Variants in NAALADL2 observed in about 807,000 individuals in gnomAD.
NAALADL2 encodes the protein N-acetylated alpha-linked acidic dipeptidase like 2, also known as inactive N-acetylated-alpha-linked acidic dipeptidase-like protein 2.
In NAALADL2, 76 loss-of-function variants were observed where a neutral mutation model predicts 87.2. The observed-to-expected ratio is 0.87, with a 90% CI of 0.72 to 1.05. The LOEUF (loss-of-function observed/expected upper bound fraction) is 1.05, where lower values mean the gene tolerates loss of function less well. NAALADL2 is among the 50% of genes least tolerant of loss of function. NAALADL2 has a pLI of 0.00. For synonymous variants in NAALADL2, 354 were observed against 331.0 expected (o/e 1.07, Z -0.75); for missense variants, 1,089 against 945.8 (o/e 1.15, Z -1.99).
At chr3:174,512,688 A>C (rs909281124) in intron 1 of NAALADL2, among the ~76,000 whole-genome samples, 6 of 151,706 alleles carry the variant, frequency 4.0e-5, no homozygotes, top group Non-Finnish European at 8.8e-5. Context: ...TGTCTCCTCA[A>C]CTCAGTGAGA....
chr3:174,479,774 T>C (rs1052634510), intron 1 of NAALADL2, among the ~76,000 whole-genome samples: 1 of 152,140 alleles, frequency 6.6e-6, no homozygotes, highest in Non-Finnish European at 1.5e-5. Flanking sequence ...GTGTTATTTA[T>C]TGTGGAAGAT....
intron 1 of NAALADL2, among the ~76,000 whole-genome samples, chr3:174,963,464 A>T (rs1201872855): frequency 1.3e-5 from 2 of 152,152 alleles, no homozygotes; most frequent in East Asian, 3.9e-4. Flanking sequence ...GACTGATTAG[A>T]TGCATGTTTC....
At chr3:175,254,428 C>A (rs1749575731) in intron 3 of NAALADL2, among the ~76,000 whole-genome samples, 1 of 152,002 alleles carries the variant, frequency 6.6e-6, no homozygotes, top group Admixed American at 6.6e-5. Context: ...TGGGAAAAAC[C>A]CAAAATCTGT....
chr3:175,788,203 C>T (rs966456533), intron 13 of NAALADL2, among the ~76,000 whole-genome samples: 7 of 150,930 alleles, frequency 4.6e-5, no homozygotes, highest in African/African-American at 1.7e-4. Context: ...AAGTGATCCT[C>T]CCAACTTAGC....
intron 2 of NAALADL2, among the ~76,000 whole-genome samples, chr3:175,214,840 G>A (rs1349743161): frequency 6.6e-6 from 1 of 152,088 alleles, no homozygotes; most frequent in African/African-American, 2.4e-5. Context: ...CTGCAATCCA[G>A]CAGTACAGAC....
chr3:174,884,541 T>A (rs1729823846), intron 1 of NAALADL2, among the ~76,000 whole-genome samples: 1 of 152,140 alleles, frequency 6.6e-6, no homozygotes, highest in Admixed American at 6.5e-5. Context: ...TGATCGTGGA[T>A]AAGACATTCT....
At chr3:175,800,622 C>T (rs986988068) in intron 13 of NAALADL2, among the ~76,000 whole-genome samples, 3 of 152,106 alleles carry the variant, frequency 2.0e-5, no homozygotes, top group African/African-American at 7.2e-5. Context: ...ATCGACTGTT[C>T]TTCAATGAAT....
chr3:175,446,574 G>A (rs956145860), intron 5 of NAALADL2, among the ~76,000 whole-genome samples: 2 of 152,160 alleles, frequency 1.3e-5, no homozygotes, highest in African/African-American at 4.8e-5. Flanking sequence ...GATGTTTCTC[G>A]CTGTATTTGG....
In NAALADL2 at chr3:174,950,040, C is replaced by T. The variant is rs149247584; in HGVS notation, c.43+90590C>T. ...CCAGCCTGGTCAGTTTTTTATGACC[C>T]GGTTTGCTAAGTATTGGTTTCCTAT... On this transcript the variant is annotated intron_variant, in intron 1 of 13. Transcript: ENST00000454872. 4.4e-3 allele frequency among the ~76,000 whole-genome samples: 674 copies of T among 152,058 alleles called. 7 individuals carry two copies. The highest frequency in any genetic ancestry group is 0.016 in the African/African-American group (645 of 41,464).
chr3:174,572,558 A>G (rs1350192939), intron 2 of NAALADL2, among the ~76,000 whole-genome samples: 2 of 152,172 alleles, frequency 1.3e-5, no homozygotes, highest in African/African-American at 4.8e-5. Flanking sequence ...AATTTGCAAA[A>G]ATGAAATATT....
chr3:174,919,183 TG>T, intron 1 of NAALADL2, among the ~76,000 whole-genome samples: 1 of 152,256 alleles, frequency 6.6e-6, no homozygotes, highest in East Asian at 1.9e-4. Context: ...TGGTGGTGAT[TG>T]CTGAAGGTTG....
chr3:175,004,870 CAAAA>C (rs11386928), intron 1 of NAALADL2, among the ~76,000 whole-genome samples: 2 of 143,882 alleles, frequency 1.4e-5, no homozygotes, highest in African/African-American at 2.5e-5. Flanking sequence ...ATTCCAAAAT[CAAAA>C]AAAAAAAATC....
upstream of NAALADL2, among the ~76,000 whole-genome samples, chr3:174,855,986 A>G (rs942033434): frequency 0.085 from 4,728 of 55,640 alleles, 247 homozygotes; most frequent in African/African-American, 0.23. Context: ...GTGTGTATAT[A>G]TATATATATA....
chr3:174,971,377 T>G (rs1743617529), intron 1 of NAALADL2, among the ~76,000 whole-genome samples: 1 of 152,190 alleles, frequency 6.6e-6, no homozygotes, highest in Non-Finnish European at 1.5e-5. Flanking sequence ...TCCTTAAGCA[T>G]TTGCTTTCTA....
intron 4 of NAALADL2, among the ~76,000 whole-genome samples, chr3:175,302,601 A>G (rs1410498961): frequency 6.6e-6 from 1 of 152,176 alleles, no homozygotes; most frequent in Non-Finnish European, 1.5e-5. Flanking sequence ...TATATTAAAT[A>G]TGCTGTATTA....
intron 3 of NAALADL2, among the ~76,000 whole-genome samples, chr3:175,241,855 ATT>A (rs779567135): frequency 1.2e-3 from 99 of 83,818 alleles, no homozygotes; most frequent in African/African-American, 4.3e-3. Flanking sequence ...TGGATGCTGA[ATT>A]TTTTTTTTTT....
intron 9 of NAALADL2, among the ~76,000 whole-genome samples, chr3:175,507,073 T>A (rs1730434265): frequency 2.0e-5 from 3 of 151,550 alleles, no homozygotes; most frequent in African/African-American, 7.3e-5. Flanking sequence ...CCTATTGACC[T>A]ATAAATGGAC....
chr3:175,092,657 G>A (rs1339762602), intron 1 of NAALADL2, among the ~76,000 whole-genome samples: 2 of 151,766 alleles, frequency 1.3e-5, no homozygotes, highest in African/African-American at 2.4e-5. Flanking sequence ...ACTATCATAT[G>A]TTGAATATAG....
chr3:175,259,290 A>G (rs566055272), intron 4 of NAALADL2, among the ~76,000 whole-genome samples: 2 of 152,188 alleles, frequency 1.3e-5, no homozygotes, highest in Non-Finnish European at 2.9e-5. Flanking sequence ...CCAAAAGCAG[A>G]CCTGAGCTGG....
Sources: allele counts gnomAD v4.1 joint callset (sites outside exome capture counted in the v4.1 genomes callset), GRCh38; gene constraint gnomAD v4.1.1; transcripts MANE v1.5; gene names NCBI Gene and HGNC (gene_info 2026-07-23, HGNC 2026-07-21).